The following TBXAS1 variants were observed in gnomAD, a reference collection of about 807,000 sequenced individuals.
TBXAS1 encodes the protein thromboxane A synthase 1, also known as thromboxane-A synthase.
TBXAS1 carries 48 observed loss-of-function variants against 60.7 expected under a neutral mutation model. The observed-to-expected ratio is 0.79, with a 90% confidence interval of 0.63 to 1.01. The LOEUF (loss-of-function observed/expected upper bound fraction) is 1.01, where lower values mean the gene tolerates loss of function less well. TBXAS1 is among the 50% of genes least tolerant of loss of function. The pLI is 0.00. For synonymous variants in TBXAS1, 287 were observed against 269.7 expected (o/e 1.06, Z -0.63); for missense variants, 685 against 686.3 (o/e 1.00, Z 0.02).
Position 139,778,775 on chromosome 7 carries a change from C to T in TBXAS1, c.-318+304C>T, listed in dbSNP as rs1252005122. Reference sequence around the variant, plus strand: ...CAGCGCTCTCTCCTATCAGGGCTTCCGCTAAACACTCTCCAGACTCTCCCC... The same window carrying T: ...CAGCGCTCTCTCCTATCAGGGCTTCTGCTAAACACTCTCCAGACTCTCCCC... On this transcript the variant is annotated intron_variant, in intron 1 of 16. Transcript: ENST00000336425. This position sits in a 1 kb window ranked among gnomAD's most constrained non-coding sequence, Gnocchi z 4.8. 5.3e-5 allele frequency among the ~76,000 whole-genome samples: 8 copies of T among 152,168 alleles called. No homozygotes were observed. The highest frequency in any genetic ancestry group is 5.2e-4 in the Admixed American group (8 of 15,284).
intron 1 of TBXAS1, among the ~76,000 whole-genome samples, chr7:139,832,306 G>A (rs1324300686): frequency 6.6e-6 from 1 of 152,044 alleles, no homozygotes; most frequent in Non-Finnish European, 1.5e-5. Flanking sequence ...CACACTTTTA[G>A]AAATGTGAAA....
chr7:139,859,062 G>A (rs1188037701), intron 1 of TBXAS1, among the ~76,000 whole-genome samples: 1 of 151,860 alleles, frequency 6.6e-6, no homozygotes, highest in Non-Finnish European at 1.5e-5. Flanking sequence ...TTTAATAGAG[G>A]TGGAGTTTCT....
chr7:139,925,882 ATTGAAATGATTATGTG>A lies in TBXAS1; in HGVS notation c.334-10308_334-10293del, dbSNP rs1806840483. ...TTTATCAAATGCTTTTTTAGCATCA[ATTGAAATGATTATGTG>A]GTTTTTGTCCTTCATTCCATTGATA... is the stretch of plus-strand genomic sequence containing the variant. On this transcript the variant is annotated intron_variant, in intron 4 of 12. Coordinates refer to ENST00000448866, the MANE Select transcript of TBXAS1 (RefSeq NM_001061.7). Among the ~76,000 whole-genome samples the A allele has an allele frequency of 2.0e-5, 3 of 152,294 alleles. No homozygotes were observed. The South Asian group carries it at 6.2e-4, about 32-fold the overall frequency.
intron 1 of TBXAS1, among the ~76,000 whole-genome samples, chr7:139,842,757 T>C (rs1188825797): frequency 1.3e-5 from 2 of 152,228 alleles, no homozygotes; most frequent in African/African-American, 4.8e-5. Context: ...AGTGCAGAGT[T>C]TGGCCCTGGC....
At chr7:139,874,000 T>C (rs1802024669) in intron 2 of TBXAS1, among the ~76,000 whole-genome samples, 1 of 152,210 alleles carries the variant, frequency 6.6e-6, no homozygotes, top group East Asian at 1.9e-4. Context: ...AAAGCTGCTC[T>C]TTCTGTCCTT....
intron 4 of TBXAS1, among the ~76,000 whole-genome samples, chr7:139,923,325 CGAGA>C (rs146019005): frequency 2.0e-5 from 3 of 149,650 alleles, no homozygotes; most frequent in East Asian, 3.9e-4. Flanking sequence ...AGACCCTGTC[CGAGA>C]GAGAGAGAGA....
At position 139,847,533 on chromosome 7, in the gene TBXAS1, C is replaced by G. The variant is rs146055640; in HGVS notation, c.89+18054C>G. Among the ~76,000 whole-genome samples the G allele has an allele frequency of 6.2e-3, 941 of 152,290 alleles. 9 individuals are homozygous for G. Among genetic ancestry groups the G allele is most frequent in the South Asian group, 0.036 (175 of 4,820 alleles). ...CTGAGCCAGCCAACTAACCAACCAACCAACCAACCAACCAATCAACCAACC... is the reference window on the plus strand; with the variant it reads ...CTGAGCCAGCCAACTAACCAACCAAGCAACCAACCAACCAATCAACCAACC... On this transcript the variant is annotated intron_variant, in intron 1 of 12. Transcript: ENST00000448866.
At chr7:139,860,698 C>T (rs756341141) in intron 1 of TBXAS1, among the ~76,000 whole-genome samples, 26 of 152,200 alleles carry the variant, frequency 1.7e-4, no homozygotes, top group Non-Finnish European at 3.1e-4. Context: ...CCCCTGCCAT[C>T]TCCAGAAGGA....
intron 9 of TBXAS1, among the ~76,000 whole-genome samples, chr7:139,972,945 G>A (rs1403920168): frequency 2.6e-5 from 4 of 152,080 alleles, no homozygotes; most frequent in Non-Finnish European, 4.4e-5. Flanking sequence ...TTTGAGGGGG[G>A]ACGAGCAGGG....
chr7:139,936,359 C>G, intron 5 of TBXAS1, 52 bp downstream of exon 5: 1 of 1,574,602 alleles, frequency 6.4e-7, no homozygotes, highest in Non-Finnish European at 8.7e-7. Flanking sequence ...GGTTTCTTCT[C>G]TCCAAATCGT....
chr7:139,996,666 C>T (rs919180930), intron 9 of TBXAS1, among the ~76,000 whole-genome samples: 2 of 152,266 alleles, frequency 1.3e-5, no homozygotes, highest in African/African-American at 2.4e-5. Flanking sequence ...TAAATCCCAA[C>T]ACCCTCACCT....
chr7:139,905,974 A>G lies in TBXAS1; in HGVS notation c.237-5251A>G, dbSNP rs377144867. On this transcript the variant is annotated intron_variant, in intron 3 of 12. Transcript: ENST00000448866. ...ACTTTTCTAAAAGTTTTATAGTTTCACATTCTACATTTAATTCTGTAGTCC... is the reference window on the plus strand; with the variant it reads ...ACTTTTCTAAAAGTTTTATAGTTTCGCATTCTACATTTAATTCTGTAGTCC... 6.7e-5 allele frequency: 11 copies of G among 165,384 alleles called. No homozygotes were observed. The South Asian group carries it at 1.3e-3, about 20-fold the overall frequency. The allele number at this position is 165,384 out of a possible 1,614,324, so 10.2% of individuals were successfully genotyped here. A position where few individuals can be genotyped will look rare whatever the true frequency, so the allele number is the denominator to read the frequency against.
chr7:139,908,161 C>CT lies in TBXAS1; in HGVS notation c.237-3054dup, dbSNP rs911735013. Among the ~76,000 whole-genome samples the CT allele has an allele frequency of 2.4e-3, 350 of 148,206 alleles. 1 individual carries two copies. The highest frequency in any genetic ancestry group is 7.6e-3 in the African/African-American group (309 of 40,586). On this transcript the variant is annotated intron_variant, in intron 3 of 12. Transcript: ENST00000448866. ...GTTTTCAGGTTCATAGAGTTCTGCA[C>CT]TTTTTTTTTTATTATTTCCTTTCCT... is the stretch of plus-strand genomic sequence containing the variant.
intron 5 of TBXAS1, 21 bp downstream of exon 5, chr7:139,936,328 ACT>A (rs1426150215): frequency 4.4e-6 from 7 of 1,608,436 alleles, no homozygotes; most frequent in Non-Finnish European, 6.0e-6. Flanking sequence ...AGAAATGCAA[ACT>A]CTCTTCTCTT....
At chr7:139,973,933 G>C (rs1811391153) in intron 9 of TBXAS1, among the ~76,000 whole-genome samples, 1 of 152,136 alleles carries the variant, frequency 6.6e-6, no homozygotes, top group Admixed American at 6.5e-5. Flanking sequence ...GAGCTGTAGG[G>C]AGCATAAAAC....
At chr7:139,991,564 C>T (rs766683560) in intron 9 of TBXAS1, among the ~76,000 whole-genome samples, 1 of 151,994 alleles carries the variant, frequency 6.6e-6, no homozygotes, top group Non-Finnish European at 1.5e-5. Context: ...CTAAGGGGAC[C>T]CTTGCAGAAC....
rs1195364546 is a variant in TBXAS1 at position 139,778,868 on chromosome 7, T to G, written c.-318+397T>G. Among the ~76,000 whole-genome samples, 2 of 152,128 alleles carry G rather than the reference T, an allele frequency of 1.3e-5. No individual in the cohort carries two copies. Among genetic ancestry groups the G allele is most frequent in the Non-Finnish European group, 2.9e-5 (2 of 68,010 alleles). The stretch of plus-strand genomic sequence containing the variant: ...GATGCTTGGATAGGATGCCCTGCCA[T>G]CCCCTCCAACTTAGGAAGACTTGTT... On this transcript the variant is annotated intron_variant, in intron 1 of 16. Transcript: ENST00000336425. This position sits in a 1 kb window ranked among gnomAD's most constrained non-coding sequence, Gnocchi z 4.8.
At chr7:139,979,882 GC>G (rs1380825211) in intron 9 of TBXAS1, among the ~76,000 whole-genome samples, 2 of 151,554 alleles carry the variant, frequency 1.3e-5, no homozygotes, top group Non-Finnish European at 2.9e-5. Context: ...TGCCTTGGGT[GC>G]CTTAAAATAA....
At chr7:139,800,903 T>C (rs900235806) in intron 4 of TBXAS1, among the ~76,000 whole-genome samples, 1 of 152,246 alleles carries the variant, frequency 6.6e-6, no homozygotes, top group Non-Finnish European at 1.5e-5. Context: ...CCAAACTTTC[T>C]TCTTCTTCTT....
Sources: gnomAD v4.1 joint callset for allele counts (sites outside exome capture counted in the v4.1 genomes callset) on GRCh38, gnomAD v4.1.1 for gene constraint, Gnocchi (gnomAD v3.1) non-coding constraint, MANE v1.5 for transcripts, NCBI Gene and HGNC (gene_info 2026-07-23, HGNC 2026-07-21) for gene names.